ARPIN: variants seen among roughly 807,000 people sequenced by gnomAD.
ARPIN encodes the protein UPF0552 protein C15orf38.
In ARPIN, 23 loss-of-function variants were observed where a neutral mutation model predicts 25.9. The ratio of observed to expected loss-of-function variants is 0.89; its 90% CI spans 0.64 to 1.26. The LOEUF is 1.26. Among genes scored for constraint, ARPIN ranks in the 50% most tolerant of loss-of-function variants. ARPIN has a pLI of 0.00. For synonymous variants in ARPIN, 126 were observed against 131.4 expected (o/e 0.96, Z 0.28); for missense variants, 333 against 312.2 (o/e 1.07, Z -0.50).
At position 89,903,825 on chromosome 15, in the gene ARPIN, G is replaced by C; in HGVS notation, c.460C>G (p.Leu154Val). Residue 154 changes from leucine to valine, a missense_variant, in exon 4 of 6, where the codon CTG becomes GTG. Physicochemically the swap from Leu to Val is conservative, Grantham distance 32. Transcript: ENST00000357484. ...GTCTTCAGCCGTACCCCGGCCCCCA[G>C]CTCGAGTTCCATCACCTCCATCTCT... The part of the protein sequence containing the change: ...ESEMEVMELE[L>V]GAGVRLKTRG... 6.2e-7 allele frequency: 1 copy of C among 1,614,198 alleles called. No homozygotes were observed. The highest frequency in any genetic ancestry group is 2.2e-5 in the East Asian group (1 of 44,886).
chr15:89,909,723 C>T (rs1897190052), intron 2 of ARPIN, among the ~76,000 whole-genome samples: 1 of 152,264 alleles, frequency 6.6e-6, no homozygotes, highest in Non-Finnish European at 1.5e-5. Context: ...TTTATCAGGA[C>T]AGGCTGAGGG....
intron 5 of ARPIN, among the ~76,000 whole-genome samples, chr15:89,902,493 A>T (rs1220080506): frequency 2.6e-5 from 4 of 152,050 alleles, no homozygotes; most frequent in African/African-American, 9.7e-5. Flanking sequence ...AATATACTTC[A>T]GAAAAACAAC....
chr15:89,910,890 T>C (rs567664414), intron 1 of ARPIN, 71 bp from the exon 2 acceptor site: 4 of 1,267,044 alleles, frequency 3.2e-6, no homozygotes, highest in African/African-American at 1.9e-5. Context: ...GTGTCTCCTA[T>C]TTACCCAGCC....
chr15:89,904,299 G>C (rs957630809), intron 3 of ARPIN, among the ~76,000 whole-genome samples: 1 of 152,184 alleles, frequency 6.6e-6, no homozygotes, highest in African/African-American at 2.4e-5. Context: ...AGGAAATAAA[G>C]CATGTAGCAC....
intron 3 of ARPIN, among the ~76,000 whole-genome samples, chr15:89,905,716 GGC>G (rs1897108697): frequency 6.6e-6 from 1 of 151,994 alleles, no homozygotes; most frequent in Non-Finnish European, 1.5e-5. Flanking sequence ...ACCTTTCAGT[GGC>G]TCCATCTCCT....
intron 2 of ARPIN, among the ~76,000 whole-genome samples, chr15:89,910,065 G>A (rs1454007443): frequency 3.3e-5 from 5 of 152,200 alleles, no homozygotes; most frequent in Admixed American, 3.3e-4. Flanking sequence ...GTGCTAAGGA[G>A]GGGAGGGTGC....
Position 89,899,015 on chromosome 15 carries a change from C to T in ARPIN, c.*2780G>A, listed in dbSNP as rs1019064062. ...CAGCAGCTTCCTATTTTCTCCCTTC[C>T]TAGTCCCTAGTCCTAGGGAATAGGA... is the stretch of plus-strand genomic sequence containing the variant. On this transcript the variant is annotated 3_prime_UTR_variant, in exon 6 of 6. Coordinates refer to ENST00000357484, the MANE Select transcript of ARPIN (RefSeq NM_182616.4). 1.3e-5 allele frequency: 2 copies of T among 152,132 alleles called. No homozygotes were observed. Among genetic ancestry groups the T allele is most frequent in the African/African-American group, 4.8e-5 (2 of 41,412 alleles). The allele number at this position is 152,132 out of a possible 1,614,324, so 9.4% of individuals were successfully genotyped here. A position where few individuals can be genotyped will look rare whatever the true frequency, so the allele number is the denominator to read the frequency against.
intron 5 of ARPIN, chr15:89,902,898 G>A (rs1357700941): frequency 2.3e-6 from 3 of 1,280,858 alleles, no homozygotes; most frequent in African/African-American, 3.0e-5. Flanking sequence ...CATGGTTAAT[G>A]TATTCACTTG....
rs1896969367 is a variant in ARPIN, at chr15:89,898,716, G to A, written c.*3079C>T. On this transcript the variant is annotated 3_prime_UTR_variant, in exon 6 of 6. Coordinates refer to ENST00000357484, the MANE Select transcript of ARPIN (RefSeq NM_182616.4). The stretch of plus-strand genomic sequence containing the variant: ...AAGGAGGGTTGTGACATTGTGATGA[G>A]CTCTGAGTTGTATTAAGGAATTTGA... 8.8e-6 allele frequency: 1 copy of A among 113,634 alleles called. No homozygotes were observed. The highest frequency in any genetic ancestry group is 1.8e-5 in the Non-Finnish European group (1 of 55,440). The allele number at this position is 113,634 out of a possible 1,614,324, so 7.0% of individuals were successfully genotyped here.
At chr15:89,909,487 G>C (rs1478880531) in intron 2 of ARPIN, among the ~76,000 whole-genome samples, 1 of 152,256 alleles carries the variant, frequency 6.6e-6, no homozygotes, top group Non-Finnish European at 1.5e-5. Context: ...GCACCTGGAG[G>C]CCTTCTGGGA....
intron 3 of ARPIN, among the ~76,000 whole-genome samples, chr15:89,907,068 A>ATTATTATTG: frequency 6.6e-6 from 1 of 150,704 alleles, no homozygotes; most frequent in East Asian, 2.0e-4. Flanking sequence ...TATTATTATT[A>ATTATTATTG]TTATTACTAT....
intron 5 of ARPIN, 51 bp from the exon 6 acceptor site, chr15:89,901,854 C>T (rs778033898): frequency 2.0e-5 from 32 of 1,604,208 alleles, no homozygotes; most frequent in Middle Eastern, 1.7e-4. Context: ...ATGTCATAAA[C>T]GTCACTGCAA....
rs1397374137 is a variant in ARPIN, at chr15:89,900,579, A to T, written c.*1216T>A. The stretch of plus-strand genomic sequence containing the variant: ...GATATCGCAAGTGCTTAGCACAAGT[A>T]TGAGTAATTATTATCATGGAAATCA... On this transcript the variant is annotated 3_prime_UTR_variant, in exon 6 of 6. Coordinates refer to ENST00000357484, the MANE Select transcript of ARPIN (RefSeq NM_182616.4). 7 of 152,192 alleles carry T rather than the reference A, an allele frequency of 4.6e-5. No individual in the cohort carries two copies. Among genetic ancestry groups the T allele is most frequent in the Non-Finnish European group, 8.8e-5 (6 of 68,042 alleles). The allele number at this position is 152,192 out of a possible 1,614,324, so 9.4% of individuals were successfully genotyped here.
rs1301412504 is a variant in ARPIN at position 89,912,846 on chromosome 15, G to A, written c.-11C>T. The A allele has an allele frequency of 4.6e-6, 7 of 1,517,746 alleles. No homozygotes were observed. The highest frequency in any genetic ancestry group is 1.4e-5 in the African/African-American group (1 of 69,030). 94.0% of individuals were successfully genotyped at this position (1,517,746 alleles called of 1,614,324 possible). On this transcript the variant is annotated 5_prime_UTR_variant, in exon 1 of 6. Coordinates refer to ENST00000357484, the MANE Select transcript of ARPIN (RefSeq NM_182616.4). The stretch of plus-strand genomic sequence containing the variant: ...GTAGATGCGGCTCATTCTCCCGACC[G>A]CCCGGGCACCCCGGCACAGAGCCGG...
intron 1 of ARPIN, among the ~76,000 whole-genome samples, chr15:89,911,327 G>A (rs1381650165): frequency 2.6e-5 from 4 of 152,162 alleles, no homozygotes; most frequent in East Asian, 3.9e-4. Context: ...TCATTAACCC[G>A]AGGAAATGGT....
rs1455444738 is a variant in ARPIN, at chr15:89,898,113, CAA to C, written c.*3680_*3681del. On this transcript the variant is annotated 3_prime_UTR_variant, in exon 6 of 6. Transcript: ENST00000357484. ...GGGCAACAAGAGCGAAATTCCATCT[CAA>C]AAAAAAAAAAAAGAAAGAAAGAAAA... 21 of 106,368 alleles carry C rather than the reference CAA, an allele frequency of 2.0e-4. No homozygotes were observed. Among genetic ancestry groups the C allele is most frequent in the Admixed American group, 2.9e-4 (3 of 10,188 alleles). The allele number at this position is 106,368 out of a possible 1,614,324, so 6.6% of individuals were successfully genotyped here. A position where few individuals can be genotyped will look rare whatever the true frequency, so the allele number is the denominator to read the frequency against.
chr15:89,912,666 C>CA, intron 1 of ARPIN, 78 bp downstream of exon 1: 1 of 498,326 alleles, frequency 2.0e-6, no homozygotes, highest in South Asian at 7.4e-5. Flanking sequence ...ACCCGCATCC[C>CA]ACCCCCCCAC....
intron 1 of ARPIN, chr15:89,912,244 T>C (rs964477725): frequency 2.0e-6 from 2 of 988,866 alleles, no homozygotes. Context: ...GTAAATGGAA[T>C]GGTCCCTTCG....
In ARPIN at chr15:89,896,670, C is replaced by T. The variant is rs909145278; in HGVS notation, c.*5125G>A. ...ATGGCAAATGGTTATATTTAAAATG[C>T]AAATAACTGATAAACTAAAAAGATA... is the stretch of plus-strand genomic sequence containing the variant. On this transcript the variant is annotated 3_prime_UTR_variant, in exon 6 of 6. Coordinates refer to ENST00000357484, the MANE Select transcript of ARPIN (RefSeq NM_182616.4). 10 of 151,822 alleles carry T rather than the reference C, an allele frequency of 6.6e-5. No homozygotes were observed. The highest frequency in any genetic ancestry group is 2.4e-4 in the African/African-American group (10 of 41,316). 9.4% of individuals were successfully genotyped at this position (151,822 alleles called of 1,614,324 possible).
Sources: gnomAD v4.1 joint callset for allele counts (sites outside exome capture counted in the v4.1 genomes callset) on GRCh38, gnomAD v4.1.1 for gene constraint, MANE v1.5 for transcripts, NCBI Gene and HGNC (gene_info 2026-07-23, HGNC 2026-07-21) for gene names.